The following VPS13A variants were observed in gnomAD, a reference collection of about 807,000 sequenced individuals.
VPS13A encodes the protein intermembrane lipid transfer protein VPS13A.
VPS13A carries 264 observed loss-of-function variants against 390.9 expected under a neutral mutation model. That is an observed-to-expected ratio of 0.68 (90% CI 0.61 to 0.75). VPS13A has a LOEUF of 0.75. Among genes scored for constraint, VPS13A ranks in the 30% least tolerant of loss-of-function variants. The probability of loss-of-function intolerance (pLI) is 0.00; values close to 1 mark genes in which losing one functional copy is unlikely to be tolerated. For synonymous variants in VPS13A, 1,231 were observed against 1,227.1 expected (o/e 1.00, Z -0.07); for missense variants, 3,409 against 3,733.9 (o/e 0.91, Z 2.27).
intron 71 of VPS13A, among the ~76,000 whole-genome samples, chr9:77,409,986 T>A (rs1232285376): frequency 2.6e-5 from 4 of 151,448 alleles, no homozygotes; most frequent in South Asian, 2.1e-4. Flanking sequence ...TCCAAGACAC[T>A]TAATTGTCAG....
At chr9:77,329,904 A>G (rs575830623) in intron 45 of VPS13A, among the ~76,000 whole-genome samples, 4 of 152,288 alleles carry the variant, frequency 2.6e-5, no homozygotes, top group African/African-American at 7.2e-5. Context: ...GGTTTTTTTC[A>G]GTTTAACATC....
intron 1 of VPS13A, among the ~76,000 whole-genome samples, chr9:77,198,750 G>A (rs972219299): frequency 3.5e-4 from 53 of 151,918 alleles, no homozygotes; most frequent in East Asian, 1.4e-3. Context: ...TGCAACCTCC[G>A]CCTCCTGGGT....
intron 19 of VPS13A, among the ~76,000 whole-genome samples, chr9:77,242,269 A>C (rs987261378): frequency 6.6e-6 from 1 of 152,156 alleles, no homozygotes; most frequent in Non-Finnish European, 1.5e-5. Flanking sequence ...CTTTCCTAAG[A>C]TAAAATAATT....
chr9:77,417,606 G>A lies in VPS13A; in HGVS notation c.*1600G>A, dbSNP rs1835210258. 6.6e-6 allele frequency: 1 copy of A among 151,568 alleles called. No individual in the cohort carries two copies. Among genetic ancestry groups the A allele is most frequent in the Non-Finnish European group, 1.5e-5 (1 of 67,966 alleles). The allele number at this position is 151,568 out of a possible 1,614,324, so 9.4% of individuals were successfully genotyped here. Reference sequence around the variant, plus strand: ...AGCTCCTCCAGTTTTGCTTTTGTCAGAATTAAACTTAACAGTAGAGGTAGT... The same window carrying A: ...AGCTCCTCCAGTTTTGCTTTTGTCAAAATTAAACTTAACAGTAGAGGTAGT... On this transcript the variant is annotated 3_prime_UTR_variant, in exon 72 of 72. Coordinates refer to ENST00000360280, the MANE Select transcript of VPS13A (RefSeq NM_033305.3).
At chr9:77,377,203 G>GTTTTTTTTT (rs61562443) in intron 67 of VPS13A, among the ~76,000 whole-genome samples, 7 of 69,062 alleles carry the variant, frequency 1.0e-4, no homozygotes, top group African/African-American at 4.1e-4. Context: ...TTTTGATGCT[G>GTTTTTTTTT]TTTTTTTTTT....
At chr9:77,399,216 G>T (rs1034143560) in intron 68 of VPS13A, among the ~76,000 whole-genome samples, 4 of 135,716 alleles carry the variant, frequency 2.9e-5, no homozygotes, top group East Asian at 2.3e-4. Flanking sequence ...CAAAGGATAC[G>T]GTTGATTACG....
At chr9:77,189,264 A>G in intron 1 of VPS13A, among the ~76,000 whole-genome samples, 1 of 151,374 alleles carries the variant, frequency 6.6e-6, no homozygotes, top group East Asian at 1.9e-4. Flanking sequence ...TAAGTCTTTA[A>G]TCTATCTTGA....
intron 58 of VPS13A, 110 bp from the exon 59 acceptor site, chr9:77,360,426 C>G: frequency 1.2e-6 from 1 of 803,946 alleles, no homozygotes; most frequent in Non-Finnish European, 2.1e-6. Context: ...ACTAAATAGT[C>G]CTAAGTTTCA....
intron 1 of VPS13A, among the ~76,000 whole-genome samples, chr9:77,183,799 T>G (rs1416824688): frequency 6.6e-6 from 1 of 152,254 alleles, no homozygotes; most frequent in Non-Finnish European, 1.5e-5. Flanking sequence ...ATAGCAGCTT[T>G]ATTTTTAATA....
chr9:77,415,350 A>C (rs544082011), intron 71 of VPS13A, among the ~76,000 whole-genome samples: 11 of 152,182 alleles, frequency 7.2e-5, no homozygotes, highest in East Asian at 1.9e-4. Flanking sequence ...GGCTCTTTTA[A>C]GTTAAAGAGG....
At position 77,372,850 on chromosome 9, in the gene VPS13A, CAGAG is replaced by C. The variant is rs990159064; in HGVS notation, c.9077+1704_9077+1707del. Among the ~76,000 whole-genome samples, 7 of 152,196 alleles carry C rather than the reference CAGAG, an allele frequency of 4.6e-5. No homozygotes were observed. The East Asian group carries it at 7.8e-4, about 17-fold the overall frequency. On this transcript the variant is annotated intron_variant, in intron 67 of 71. Coordinates refer to ENST00000360280, the MANE Select transcript of VPS13A (RefSeq NM_033305.3). Reference sequence around the variant, plus strand: ...TTCTTATACACCAACAACAGACAAACAGAGAGCCAAATCATAAGTGAACTCCCAT... The same window carrying C: ...TTCTTATACACCAACAACAGACAAACAGCCAAATCATAAGTGAACTCCCAT...
chr9:77,399,180 ATAAAAAAAAAAAAAAAAAAAAAAAAC>A (rs1563990798), intron 68 of VPS13A, among the ~76,000 whole-genome samples: 5 of 81,006 alleles, frequency 6.2e-5, no homozygotes, highest in South Asian at 4.5e-4. Context: ...AAAAAAAAAA[ATAAAAAAAAAAAAAAAAAAAAAAAAC>A]AAAGGATACG....
chr9:77,281,956 T>C (rs1253367442), intron 28 of VPS13A, 30 bp downstream of exon 28: 1 of 1,425,714 alleles, frequency 7.0e-7, no homozygotes, highest in Non-Finnish European at 9.8e-7. Context: ...TTTTTAATTA[T>C]GTACTATTTC....
intron 22 of VPS13A, 42 bp downstream of exon 22, chr9:77,252,394 A>G: frequency 6.7e-7 from 1 of 1,491,034 alleles, no homozygotes; most frequent in Non-Finnish European, 9.4e-7. Flanking sequence ...TTTTCTGGGT[A>G]ATTCTGTAGC....
chr9:77,208,182 A>G (rs948476911), intron 5 of VPS13A, among the ~76,000 whole-genome samples: 1 of 152,202 alleles, frequency 6.6e-6, no homozygotes, highest in African/African-American at 2.4e-5. Flanking sequence ...AAAGATTAAA[A>G]TATGATCCTC....
chr9:77,279,032 G>C (rs1403474464), intron 26 of VPS13A, among the ~76,000 whole-genome samples: 1 of 152,190 alleles, frequency 6.6e-6, no homozygotes, highest in African/African-American at 2.4e-5. Flanking sequence ...AGCCCAAGGG[G>C]CATGTGTTAC....
At chr9:77,407,673 T>A in intron 71 of VPS13A, 66 bp downstream of exon 71, 3 of 1,224,954 alleles carry the variant, frequency 2.4e-6, no homozygotes, top group Non-Finnish European at 3.6e-6. Context: ...AGTGGACTAT[T>A]TTTTAATGCA....
chr9:77,275,225 G>A (rs1359459332), intron 24 of VPS13A, among the ~76,000 whole-genome samples: 1 of 151,962 alleles, frequency 6.6e-6, no homozygotes, highest in Non-Finnish European at 1.5e-5. Flanking sequence ...TTCAAAAGAT[G>A]GGCTTCTTAA....
chr9:77,330,150 G>A (rs1317878417), intron 45 of VPS13A, among the ~76,000 whole-genome samples: 3 of 151,118 alleles, frequency 2.0e-5, no homozygotes, highest in Admixed American at 6.6e-5. Context: ...GCAGTAGCTC[G>A]GACTACATGT....
Sources: allele counts gnomAD v4.1 joint callset (sites outside exome capture counted in the v4.1 genomes callset), GRCh38; gene constraint gnomAD v4.1.1; transcripts MANE v1.5; gene names NCBI Gene and HGNC (gene_info 2026-07-23, HGNC 2026-07-21).